EYA2: variants seen among roughly 807,000 people sequenced by gnomAD.
The protein encoded by EYA2 is EYA transcriptional coactivator and phosphatase 2, also known as protein phosphatase EYA2.
A neutral mutation model predicts 69.2 loss-of-function variants in EYA2; 31 were observed. The ratio of observed to expected loss-of-function variants is 0.45; its 90% CI spans 0.34 to 0.60. The LOEUF (loss-of-function observed/expected upper bound fraction) is 0.60. EYA2 is among the 20% of genes least tolerant of loss of function. EYA2 has a pLI of 0.02. For missense variants in EYA2, 622 were observed against 701.2 expected (o/e 0.89, Z 1.28); for synonymous variants, 257 against 279.4 (o/e 0.92, Z 0.80).
intron 7 of EYA2, among the ~76,000 whole-genome samples, chr20:47,086,256 C>A (rs923217051): frequency 6.6e-6 from 1 of 152,150 alleles, no homozygotes; most frequent in Non-Finnish European, 1.5e-5. Context: ...GAGGCCAAGG[C>A]AGGCAGATCA....
chr20:47,183,458 C>T (rs910366659), intron 15 of EYA2, 67 bp downstream of exon 15: 14 of 1,422,906 alleles, frequency 9.8e-6, no homozygotes, highest in Admixed American at 2.0e-5. Flanking sequence ...TCTTCAAGGG[C>T]TCCTTCCATG....
chr20:46,909,556 G>T (rs897182522), intron 1 of EYA2, among the ~76,000 whole-genome samples: 3 of 152,162 alleles, frequency 2.0e-5, no homozygotes, highest in Non-Finnish European at 4.4e-5. Context: ...TAAGAAAAAA[G>T]AAAATGTATT....
chr20:47,110,117 G>A (rs2032706963), intron 9 of EYA2, among the ~76,000 whole-genome samples: 1 of 152,146 alleles, frequency 6.6e-6, no homozygotes, highest in Non-Finnish European at 1.5e-5. Context: ...AATCTATAAG[G>A]CCCAGCTGCT....
chr20:46,978,602 A>G, intron 1 of EYA2: 1 of 534,808 alleles, frequency 1.9e-6, no homozygotes, highest in Non-Finnish European at 3.8e-6. Context: ...CTTAAGAGCA[A>G]TGGAAAGCCG....
At chr20:47,016,741 G>T (rs998986914) in intron 5 of EYA2, among the ~76,000 whole-genome samples, 1 of 152,212 alleles carries the variant, frequency 6.6e-6, no homozygotes, top group Non-Finnish European at 1.5e-5. Context: ...TGTACAAACT[G>T]TGCATGCAGG....
intron 1 of EYA2, chr20:46,901,745 G>A (rs1239884554): frequency 6.6e-6 from 1 of 152,262 alleles, no homozygotes; most frequent in East Asian, 1.9e-4. Flanking sequence ...TTGGCCTTTT[G>A]TGTGACTCCT....
chr20:47,161,856 G>A (rs114575945), intron 10 of EYA2, among the ~76,000 whole-genome samples: 2,830 of 152,306 alleles, frequency 0.019, 98 homozygotes, highest in African/African-American at 0.064. Flanking sequence ...AGATGGGTCC[G>A]GGTGCTGGCT....
intron 2 of EYA2, among the ~76,000 whole-genome samples, chr20:46,997,191 G>A (rs990353376): frequency 6.6e-6 from 1 of 152,188 alleles, no homozygotes; most frequent in African/African-American, 2.4e-5. Context: ...GGGCAGCTCA[G>A]CCCAGAGAAC....
At chr20:46,989,430 T>A (rs1981504647) in intron 1 of EYA2, among the ~76,000 whole-genome samples, 1 of 152,102 alleles carries the variant, frequency 6.6e-6, no homozygotes, top group Non-Finnish European at 1.5e-5. Flanking sequence ...CACGCCCAGC[T>A]AATTTTTATA....
At chr20:47,126,929 G>A (rs750167802) in intron 9 of EYA2, among the ~76,000 whole-genome samples, 3 of 152,050 alleles carry the variant, frequency 2.0e-5, no homozygotes, top group Non-Finnish European at 2.9e-5. Flanking sequence ...GTGCCAAAGC[G>A]GAAAAACCCT....
chr20:47,149,831 A>G (rs1194655224), intron 10 of EYA2, among the ~76,000 whole-genome samples: 1 of 152,194 alleles, frequency 6.6e-6, no homozygotes, highest in Non-Finnish European at 1.5e-5. Flanking sequence ...CAGACTGGGC[A>G]ACAGAGCAAG....
At position 46,990,044 on chromosome 20, in the gene EYA2, G is replaced by A. The variant is rs1368975966; in HGVS notation, c.34G>A (p.Val12Ile). The A allele has an allele frequency of 2.5e-6, 4 of 1,611,758 alleles. No individual in the cohort carries two copies. In the South Asian group the frequency reaches 4.4e-5, roughly 18 times the overall value. The change falls in exon 2 of 16, where the codon GTA becomes ATA. Residue 12 changes from valine to isoleucine, a missense_variant. Physicochemically the swap from Val to Ile is conservative, Grantham distance 29. Coordinates refer to ENST00000327619, the MANE Select transcript of EYA2 (RefSeq NM_005244.5). ...VELVISPSLTVNSDCLDKLKF... is the reference protein window; with the variant it reads ...VELVISPSLTINSDCLDKLKF... Reference sequence around the variant, plus strand: ...ACTAGTGATCTCACCCAGCCTCACTGTAAACAGCGATTGTCTGGATAAACT... The same window carrying A: ...ACTAGTGATCTCACCCAGCCTCACTATAAACAGCGATTGTCTGGATAAACT...
At chr20:46,906,967 A>G (rs1984389130) in intron 1 of EYA2, among the ~76,000 whole-genome samples, 1 of 152,230 alleles carries the variant, frequency 6.6e-6, no homozygotes, top group South Asian at 2.1e-4. Context: ...TCTTTAGGGT[A>G]CAGTACACTA....
At chr20:46,982,728 ATT>A (rs1980914236) in intron 1 of EYA2, among the ~76,000 whole-genome samples, 1 of 149,174 alleles carries the variant, frequency 6.7e-6, no homozygotes, top group Non-Finnish European at 1.5e-5. Flanking sequence ...CAACTGATCT[ATT>A]GAGTTCTTAA....
At chr20:47,106,433 G>A (rs2032581494) in intron 9 of EYA2, among the ~76,000 whole-genome samples, 1 of 152,150 alleles carries the variant, frequency 6.6e-6, no homozygotes, top group Admixed American at 6.5e-5. Flanking sequence ...TAACGCAATG[G>A]AATTCCTACT....
intron 5 of EYA2, among the ~76,000 whole-genome samples, chr20:47,030,387 G>A (rs1455051711): frequency 6.6e-6 from 1 of 152,240 alleles, no homozygotes; most frequent in Non-Finnish European, 1.5e-5. Context: ...CAGGCATGGG[G>A]AGAGGTGGCT....
At chr20:47,159,208 C>T (rs907481420) in intron 10 of EYA2, among the ~76,000 whole-genome samples, 3 of 151,894 alleles carry the variant, frequency 2.0e-5, no homozygotes, top group African/African-American at 7.2e-5. Flanking sequence ...ACCACCTGAG[C>T]CAGGTGATCA....
intron 5 of EYA2, among the ~76,000 whole-genome samples, chr20:47,032,157 T>G (rs193037782): frequency 1.3e-5 from 2 of 152,318 alleles, no homozygotes; most frequent in Admixed American, 1.3e-4. Context: ...ATGCTCAGTA[T>G]GTACCCTTAA....
intron 11 of EYA2, among the ~76,000 whole-genome samples, chr20:47,172,182 C>T (rs1217874736): frequency 1.3e-5 from 2 of 151,784 alleles, no homozygotes; most frequent in East Asian, 3.9e-4. Context: ...GCCTATAATC[C>T]CAGCACTTTG....
Sources: gnomAD v4.1 joint callset for allele counts (sites outside exome capture counted in the v4.1 genomes callset) on GRCh38, gnomAD v4.1.1 for gene constraint, MANE v1.5 for transcripts, NCBI Gene and HGNC (gene_info 2026-07-23, HGNC 2026-07-21) for gene names.